The following WDR70 variants were observed in gnomAD, a reference collection of about 807,000 sequenced individuals.
WDR70 encodes WD repeat-containing protein 70.
A neutral mutation model predicts 88.6 loss-of-function variants in WDR70; 53 were observed. The ratio of observed to expected loss-of-function variants is 0.60; its 90% CI spans 0.48 to 0.75. The LOEUF is 0.75. Among genes scored for constraint, WDR70 ranks in the 30% least tolerant of loss-of-function variants. The pLI is 0.00. For synonymous variants in WDR70, 280 were observed against 270.0 expected, an observed-to-expected ratio of 1.04 and a Z score of -0.36; for missense variants, 610 against 823.2, an observed-to-expected ratio of 0.74 and a Z score of 3.17.
intron 9 of WDR70, among the ~76,000 whole-genome samples, chr5:37,557,961 T>TGAAAACTCTTCAAGA (rs1176435994): frequency 5.4e-5 from 8 of 148,276 alleles, no homozygotes; most frequent in Non-Finnish European, 7.5e-5. Flanking sequence ...AAGAGTATTA[T>TGAAAACTCTTCAAGA]GTATATTTAT....
In WDR70 at chr5:37,481,237, C is replaced by T. The variant is rs1351161928; in HGVS notation, c.840+1250C>T. The stretch of plus-strand genomic sequence containing the variant: ...GAGGATGGTGGCCGTTTTCTCACAG[C>T]TCTGCTTGGCAGTACCCCAGTGGGG... On this transcript the variant is annotated intron_variant, in intron 8 of 17. Coordinates refer to ENST00000265107, the MANE Select transcript of WDR70 (RefSeq NM_018034.4). Among the ~76,000 whole-genome samples, 4 of 152,152 alleles carry T rather than the reference C, an allele frequency of 2.6e-5. No individual in the cohort carries two copies. The South Asian group carries it at 8.3e-4, about 32-fold the overall frequency.
intron 10 of WDR70, among the ~76,000 whole-genome samples, chr5:37,617,571 G>A (rs539366844): frequency 6.6e-6 from 1 of 152,322 alleles, no homozygotes; most frequent in East Asian, 1.9e-4. Flanking sequence ...GGTAATCTAT[G>A]CCTTGCCTAA....
chr5:37,535,787 G>A (rs1176760839), intron 9 of WDR70, among the ~76,000 whole-genome samples: 1 of 152,132 alleles, frequency 6.6e-6, no homozygotes, highest in Non-Finnish European at 1.5e-5. Context: ...CGGATAGGTG[G>A]TAATGTTATT....
intron 5 of WDR70, among the ~76,000 whole-genome samples, chr5:37,402,224 T>C (rs1411303536): frequency 6.6e-6 from 1 of 152,144 alleles, no homozygotes; most frequent in African/African-American, 2.4e-5. Flanking sequence ...TAACACAATG[T>C]CCTGTAAACT....
chr5:37,431,799 C>G (rs1339684636), intron 5 of WDR70, among the ~76,000 whole-genome samples: 5 of 152,182 alleles, frequency 3.3e-5, no homozygotes, highest in Non-Finnish European at 5.9e-5. Context: ...TAAGTGGAAC[C>G]ATATAGTATT....
chr5:37,683,612 C>T (rs1746501871), intron 10 of WDR70, among the ~76,000 whole-genome samples: 2 of 152,230 alleles, frequency 1.3e-5, no homozygotes, highest in East Asian at 3.9e-4. Context: ...CCTAGTTTGG[C>T]TGGATATGAA....
At chr5:37,665,881 C>T (rs143883042) in intron 10 of WDR70, among the ~76,000 whole-genome samples, 5 of 152,296 alleles carry the variant, frequency 3.3e-5, no homozygotes, top group South Asian at 2.1e-4. Context: ...TTTTCCCTGG[C>T]GCCACTGGGC....
intron 10 of WDR70, among the ~76,000 whole-genome samples, chr5:37,685,063 G>A (rs1449798289): frequency 6.6e-6 from 1 of 152,106 alleles, no homozygotes; most frequent in African/African-American, 2.4e-5. Context: ...TCAGGGTTGG[G>A]GAGGGTCCAG....
At chr5:37,394,246 G>A (rs1748938842) in intron 4 of WDR70, among the ~76,000 whole-genome samples, 3 of 141,000 alleles carry the variant, frequency 2.1e-5, no homozygotes, top group African/African-American at 5.5e-5. Context: ...GGGAGTGAGC[G>A]AAGATCATGC....
chr5:37,421,449 T>G (rs1264893496), intron 5 of WDR70, among the ~76,000 whole-genome samples: 1 of 152,218 alleles, frequency 6.6e-6, no homozygotes, highest in Non-Finnish European at 1.5e-5. Context: ...GACAGACCTA[T>G]CTCTTTCATC....
At chr5:37,573,809 G>A (rs1561907801) in intron 9 of WDR70, among the ~76,000 whole-genome samples, 1 of 151,988 alleles carries the variant, frequency 6.6e-6, no homozygotes, top group Non-Finnish European at 1.5e-5. Flanking sequence ...CCTCTTCAGG[G>A]TTCTCAGTGA....
At chr5:37,478,856 A>AG (rs1226642082) in intron 7 of WDR70, among the ~76,000 whole-genome samples, 2 of 152,168 alleles carry the variant, frequency 1.3e-5, no homozygotes, top group African/African-American at 4.8e-5. Context: ...TCACTTTTGA[A>AG]GGGGGAGTTC....
intron 5 of WDR70, among the ~76,000 whole-genome samples, chr5:37,427,864 C>T (rs1183141027): frequency 6.6e-6 from 1 of 152,122 alleles, no homozygotes; most frequent in African/African-American, 2.4e-5. Context: ...AGTGAAACTC[C>T]GTCTCATAAA....
At chr5:37,457,270 A>AT (rs1738871629) in intron 7 of WDR70, among the ~76,000 whole-genome samples, 1 of 152,056 alleles carries the variant, frequency 6.6e-6, no homozygotes. Flanking sequence ...TAATATTTGG[A>AT]TTTTTAGTAG....
intron 9 of WDR70, among the ~76,000 whole-genome samples, chr5:37,589,688 C>G (rs1264668740): frequency 6.6e-6 from 1 of 152,194 alleles, no homozygotes; most frequent in Admixed American, 6.6e-5. Context: ...TCAAGTGATT[C>G]TTCTTCCTCA....
At chr5:37,604,986 T>G in intron 9 of WDR70, 78 bp from the exon 10 acceptor site, 1 of 1,342,062 alleles carries the variant, frequency 7.5e-7, no homozygotes, top group Non-Finnish European at 9.8e-7. Context: ...GCAGTCTTTA[T>G]GGACTCTTCC....
chr5:37,573,249 G>A lies in WDR70; in HGVS notation c.918-31815G>A, dbSNP rs888193034. On this transcript the variant is annotated intron_variant, in intron 9 of 17. Transcript: ENST00000265107. ...AGGCTTTACTCCTACAGTTCTCCCT[G>A]TTCCCCAAATCATCATTCTTCTTTA... Among the ~76,000 whole-genome samples the A allele has an allele frequency of 4.6e-5, 7 of 152,104 alleles. No individual in the cohort carries two copies. The East Asian group carries it at 7.7e-4, about 17-fold the overall frequency.
intron 7 of WDR70, among the ~76,000 whole-genome samples, chr5:37,468,157 G>A (rs1739218032): frequency 6.6e-6 from 1 of 152,188 alleles, no homozygotes; most frequent in African/African-American, 2.4e-5. Flanking sequence ...CCTATCATAT[G>A]AATTTTGAGG....
At chr5:37,599,536 A>G (rs981184483) in intron 9 of WDR70, among the ~76,000 whole-genome samples, 1 of 152,250 alleles carries the variant, frequency 6.6e-6, no homozygotes, top group Non-Finnish European at 1.5e-5. Flanking sequence ...AAACAATTCA[A>G]TGTAAAAAGA....
Sources: allele counts gnomAD v4.1 joint callset (sites outside exome capture counted in the v4.1 genomes callset), GRCh38; gene constraint gnomAD v4.1.1; transcripts MANE v1.5; gene names NCBI Gene and HGNC (gene_info 2026-07-23, HGNC 2026-07-21).